The following ELF3 variants were observed in gnomAD, a reference collection of about 807,000 sequenced individuals.
The protein encoded by ELF3 is ETS-related transcription factor Elf-3.
Under a neutral mutation model 43.9 loss-of-function variants are expected in ELF3, and 18 were observed. The observed-to-expected ratio is 0.41, with a 90% CI of 0.28 to 0.61. ELF3 has a LOEUF of 0.61. ELF3 is among the 20% of genes least tolerant of loss of function. ELF3 has a pLI of 0.30. For synonymous variants in ELF3, 181 were observed against 190.2 expected (o/e 0.95, Z 0.40); for missense variants, 373 against 487.7 (o/e 0.76, Z 2.21).
chr1:202,015,139 G>T (rs972897137), intron 8 of ELF3, 70 bp from the exon 9 acceptor site: 2 of 1,547,172 alleles, frequency 1.3e-6, no homozygotes, highest in African/African-American at 2.7e-5. Flanking sequence ...ACGCGGGCCA[G>T]GTGGGCGGGC....
chr1:202,011,318 G>A lies in ELF3; in HGVS notation c.163+19G>A. ...GGTACAGGTGGGTCTCAGCGGGGTG[G>A]GATGGGGCACGGAGTGGGAGACAGA... On this transcript the variant is annotated intron_variant, in intron 2 of 8. Transcript: ENST00000367284. 1 of 1,542,164 alleles carries A rather than the reference G, an allele frequency of 6.5e-7. No homozygotes were observed. Among genetic ancestry groups the A allele is most frequent in the Non-Finnish European group, 8.8e-7 (1 of 1,142,798 alleles).
Position 202,010,893 on chromosome 1 carries a change from T to G in ELF3, c.-9+187T>G, listed in dbSNP as rs939331036. 41 of 522,938 alleles carry G rather than the reference T, an allele frequency of 7.8e-5. No homozygotes were observed. In the South Asian group the frequency reaches 8.6e-4, roughly 11 times the overall value. The allele number at this position is 522,938 out of a possible 1,614,324, so 32.4% of individuals were successfully genotyped here. On this transcript the variant is annotated intron_variant, in intron 1 of 8. Transcript: ENST00000367284. This position sits in a 1 kb window ranked among gnomAD's most constrained non-coding sequence, Gnocchi z 4.3. ...GGCAGAATGGCCATGACGCCGCTAG[T>G]CTGGCTCCAGGGCCCCAGAGATCTG...
Position 202,015,193 on chromosome 1 carries a change from C to A in ELF3, c.1002-16C>A. ...TTCCTGCCAAAGCACCTCTGACCAT[C>A]CTTCTCTTCACCCAGGTACTACTAC... On this transcript the variant is annotated splice_polypyrimidine_tract_variant and intron_variant, in intron 8 of 8. Transcript: ENST00000367284. 6.2e-7 allele frequency: 1 copy of A among 1,613,658 alleles called. No homozygotes were observed. The highest frequency in any genetic ancestry group is 8.5e-7 in the Non-Finnish European group (1 of 1,179,650).
chr1:202,013,317 T>A lies in ELF3; in HGVS notation c.805+19T>A. The A allele has an allele frequency of 5.0e-6, 8 of 1,610,530 alleles. No individual in the cohort carries two copies. Among genetic ancestry groups the A allele is most frequent in the Non-Finnish European group, 6.8e-6 (8 of 1,177,148 alleles). On this transcript the variant is annotated intron_variant, in intron 7 of 8. Coordinates refer to ENST00000367284, the MANE Select transcript of ELF3 (RefSeq NM_004433.5). This position sits in a 1 kb window ranked among gnomAD's most constrained non-coding sequence, Gnocchi z 5.7. ...AAGCACGGTGAGCTCCGGGGGCACGTGGGTCCTCCCTGCGCCGGGCTGAGC... is the reference window on the plus strand; with the variant it reads ...AAGCACGGTGAGCTCCGGGGGCACGAGGGTCCTCCCTGCGCCGGGCTGAGC...
At position 202,016,404 on chromosome 1, in the gene ELF3, C is replaced by T. The variant is rs1303870269; in HGVS notation, c.*1081C>T. The T allele has an allele frequency of 6.6e-6, 1 of 151,978 alleles. No individual in the cohort carries two copies. Among genetic ancestry groups the T allele is most frequent in the Admixed American group, 6.6e-5 (1 of 15,236 alleles). The allele number at this position is 151,978 out of a possible 1,614,324, so 9.4% of individuals were successfully genotyped here. On this transcript the variant is annotated 3_prime_UTR_variant, in exon 9 of 9. Transcript: ENST00000367284. Reference sequence around the variant, plus strand: ...TCTCAAGATGTCTAGAATTGCATGGCTGGCCTTGTGGAATAGATGGTTTTG... The same window carrying T: ...TCTCAAGATGTCTAGAATTGCATGGTTGGCCTTGTGGAATAGATGGTTTTG...
Position 202,012,739 on chromosome 1 carries a change from G to A in ELF3, c.578G>A (p.Ser193Asn), listed in dbSNP as rs146924886. The A allele has an allele frequency of 3.6e-5, 57 of 1,577,858 alleles. No individual in the cohort carries two copies. The highest frequency in any genetic ancestry group is 4.8e-5 in the Non-Finnish European group (56 of 1,163,936). ...SCGAGAPSPG[S>N]SDVSTAGTGA... ...GGCGCAGGAGCCCCCTCCCCTGGCA[G>A]CTCTGACGTCTCCACCGCAGGTGAG... The change falls in exon 5 of 9, where the codon AGC (serine) becomes AAC (asparagine). Residue 193 changes from serine (S) to asparagine (N), a missense_variant. This residue lies in a region of ELF3 where 311 missense variants were observed against 351.2 expected (regional missense o/e 0.89). Coordinates refer to ENST00000367284, the MANE Select transcript of ELF3 (RefSeq NM_004433.5). The surrounding 1 kb of genome is among the most constrained non-coding windows in gnomAD (Gnocchi z 4.2).
At chr1:202,011,074 AAGGAG>A in intron 1 of ELF3, 50 bp from the exon 2 acceptor site, 2 of 1,595,478 alleles carry the variant, frequency 1.3e-6, no homozygotes, top group Non-Finnish European at 1.7e-6. Flanking sequence ...CTGGGAGTGT[AAGGAG>A]AGGACCCTCG....
At position 202,011,259 on chromosome 1, in the gene ELF3, A is replaced by G. The variant is rs371504589; in HGVS notation, c.123A>G (p.Val41=). Residue 41 remains valine (V), a synonymous_variant, in exon 2 of 9, where the codon GTA becomes GTG. Transcript: ENST00000367284. ...PAATFGADDL[V]LTLSNPQMSL... ...CCACCTTTGGGGCCGATGACTTGGT[A>G]CTGACCCTGAGCAACCCCCAGATGT... 1.8e-4 allele frequency: 297 copies of G among 1,610,632 alleles called. 4 individuals are homozygous for G. The South Asian group carries it at 2.5e-3, about 14-fold the overall frequency.
intron 8 of ELF3, among the ~76,000 whole-genome samples, chr1:202,014,395 CAGG>C (rs1684272994): frequency 6.6e-6 from 1 of 152,196 alleles, no homozygotes; most frequent in East Asian, 1.9e-4. Context: ...CTCCTGTGTC[CAGG>C]AGTACACTAG....
chr1:202,011,454 G>T, intron 2 of ELF3, 155 bp downstream of exon 2: 3 of 963,986 alleles, frequency 3.1e-6, no homozygotes, highest in Non-Finnish European at 4.4e-6. Flanking sequence ...GGGGGTTGTG[G>T]GGCTGTGACA....
At position 202,011,109 on chromosome 1, in the gene ELF3, C is replaced by T. The variant is rs1291400408; in HGVS notation, c.-8-20C>T. 6.2e-7 allele frequency: 1 copy of T among 1,612,774 alleles called. No individual in the cohort carries two copies. The highest frequency in any genetic ancestry group is 8.5e-7 in the Non-Finnish European group (1 of 1,179,328). On this transcript the variant is annotated intron_variant, in intron 1 of 8. Transcript: ENST00000367284. ...CCCTCGTCCCCTCACCAACCTCATC[C>T]TCTCTCCCCCTACCCACAGGTAGCC...
In ELF3 at chr1:202,016,533, A is replaced by C. The variant is rs1010540980; in HGVS notation, c.*1210A>C. On this transcript the variant is annotated 3_prime_UTR_variant, in exon 9 of 9. Coordinates refer to ENST00000367284, the MANE Select transcript of ELF3 (RefSeq NM_004433.5). ...GATCTTGTAAAGGAAAAAAAAAAAAAAACAAAACAAAATGGAGATGAGTAC... is the reference window on the plus strand; with the variant it reads ...GATCTTGTAAAGGAAAAAAAAAAAACAACAAAACAAAATGGAGATGAGTAC... 1 of 151,940 alleles carries C rather than the reference A, an allele frequency of 6.6e-6. No individual in the cohort carries two copies. The highest frequency in any genetic ancestry group is 1.5e-5 in the Non-Finnish European group (1 of 67,956). The allele number at this position is 151,940 out of a possible 1,614,324, so 9.4% of individuals were successfully genotyped here. A position where few individuals can be genotyped will look rare whatever the true frequency, so the allele number is the denominator to read the frequency against.
At position 202,012,494 on chromosome 1, in the gene ELF3, C is replaced by T. The variant is rs980274597; in HGVS notation, c.478+58C>T. The T allele has an allele frequency of 6.3e-7, 1 of 1,599,572 alleles. No individual in the cohort carries two copies. Among genetic ancestry groups the T allele is most frequent in the African/African-American group, 1.3e-5 (1 of 74,308 alleles). ...CTGTCTTGTCCCATCCCTGCCCCTC[C>T]ACAGAGTGCTAGAGATGACCCCCTC... On this transcript the variant is annotated intron_variant, in intron 4 of 8. Coordinates refer to ENST00000367284, the MANE Select transcript of ELF3 (RefSeq NM_004433.5). The surrounding 1 kb of genome is among the most constrained non-coding windows in gnomAD (Gnocchi z 4.2).
In ELF3 at chr1:202,010,927, A is replaced by C; in HGVS notation, c.-8-202A>C. The stretch of plus-strand genomic sequence containing the variant: ...AGGGCCCCAGAGATCTGAGGAGGGA[A>C]GCCCAGCTGGAGGCTCCTGTGGTCC... On this transcript the variant is annotated intron_variant, in intron 1 of 8. Transcript: ENST00000367284. The surrounding 1 kb of genome is among the most constrained non-coding windows in gnomAD (Gnocchi z 4.3). 5.3e-6 allele frequency: 3 copies of C among 561,692 alleles called. No individual in the cohort carries two copies. Among genetic ancestry groups the C allele is most frequent in the Non-Finnish European group, 9.3e-6 (3 of 321,572 alleles). 34.8% of individuals were successfully genotyped at this position (561,692 alleles called of 1,614,324 possible). A position where few individuals can be genotyped will look rare whatever the true frequency, so the allele number is the denominator to read the frequency against.
At position 202,015,537 on chromosome 1, in the gene ELF3, T is replaced by G; in HGVS notation, c.*214T>G. ...ACCCTCCTCTTGGAATTACAAGCCCTGGGGTTTGAAGCTGACTTTATAGCT... is the reference window on the plus strand; with the variant it reads ...ACCCTCCTCTTGGAATTACAAGCCCGGGGGTTTGAAGCTGACTTTATAGCT... On this transcript the variant is annotated 3_prime_UTR_variant, in exon 9 of 9. Coordinates refer to ENST00000367284, the MANE Select transcript of ELF3 (RefSeq NM_004433.5). 1.8e-6 allele frequency: 1 copy of G among 568,622 alleles called. No homozygotes were observed. Among genetic ancestry groups the G allele is most frequent in the Non-Finnish European group, 3.1e-6 (1 of 317,868 alleles). The allele number at this position is 568,622 out of a possible 1,614,324, so 35.2% of individuals were successfully genotyped here. A position where few individuals can be genotyped will look rare whatever the true frequency, so the allele number is the denominator to read the frequency against.
In ELF3 at chr1:202,013,630, G is replaced by T; in HGVS notation, c.806-199G>T. The T allele has an allele frequency of 1.5e-6, 1 of 646,368 alleles. No individual in the cohort carries two copies. The highest frequency in any genetic ancestry group is 2.7e-6 in the Non-Finnish European group (1 of 373,746). The allele number at this position is 646,368 out of a possible 1,614,324, so 40.0% of individuals were successfully genotyped here. A position where few individuals can be genotyped will look rare whatever the true frequency, so the allele number is the denominator to read the frequency against. On this transcript the variant is annotated intron_variant, in intron 7 of 8. Transcript: ENST00000367284. This position sits in a 1 kb window ranked among gnomAD's most constrained non-coding sequence, Gnocchi z 5.7. ...GCCCTCTGGGACACCCTCAATGTGA[G>T]GAGGCAGCTGGTGGGTCTTAGGTGG...
rs550376503 is a variant in ELF3, at chr1:202,013,116, G to C, written c.689-66G>C. The C allele has an allele frequency of 1.9e-6, 3 of 1,603,698 alleles. No homozygotes were observed. The East Asian group carries it at 6.7e-5, about 36-fold the overall frequency. On this transcript the variant is annotated intron_variant, in intron 6 of 8. Transcript: ENST00000367284. This position sits in a 1 kb window ranked among gnomAD's most constrained non-coding sequence, Gnocchi z 5.7. ...CCGGCTCTTCCTGCAGCCTTTTCCT[G>C]TAGAGGGGCTACTCTCCCTAACTCC...
intron 2 of ELF3, 61 bp from the exon 3 acceptor site, chr1:202,011,896 G>T: frequency 3.7e-5 from 49 of 1,328,202 alleles, no homozygotes; most frequent in Admixed American, 4.3e-5. Context: ...AAAAAAAAAT[G>T]GGGCTGTAAG....
In ELF3 at chr1:202,012,233, A is replaced by G; in HGVS notation, c.385+55A>G. 6.2e-7 allele frequency: 1 copy of G among 1,607,212 alleles called. No individual in the cohort carries two copies. Among genetic ancestry groups the G allele is most frequent in the South Asian group, 1.1e-5 (1 of 90,576 alleles). On this transcript the variant is annotated intron_variant, in intron 3 of 8. Transcript: ENST00000367284. The surrounding 1 kb of genome is among the most constrained non-coding windows in gnomAD (Gnocchi z 4.2). The stretch of plus-strand genomic sequence containing the variant: ...CAGCTCCACATGTTGAGCTGAGTCG[A>G]GTTCAGTGTGGCCGTAGGCAGGCCC...
Sources: allele counts gnomAD v4.1 joint callset (sites outside exome capture counted in the v4.1 genomes callset), GRCh38; gene constraint gnomAD v4.1.1; regional missense constraint gnomAD v4.1.1; non-coding constraint Gnocchi (gnomAD v3.1); transcripts MANE v1.5; gene names NCBI Gene and HGNC (gene_info 2026-07-23, HGNC 2026-07-21).